ACBD6: variants seen among roughly 807,000 people sequenced by gnomAD.
ACBD6 encodes the protein acyl-CoA-binding domain-containing protein 6.
Under a neutral mutation model 37.2 loss-of-function variants are expected in ACBD6, and 28 were observed. That is an observed-to-expected ratio of 0.75 (90% confidence interval 0.56 to 1.03). ACBD6 has a LOEUF of 1.03. ACBD6 is among the 50% of genes least tolerant of loss of function. ACBD6 has a pLI of 0.00. For synonymous variants in ACBD6, 113 were observed against 126.8 expected (o/e 0.89, Z 0.73); for missense variants, 340 against 337.4 (o/e 1.01, Z -0.06).
chr1:180,360,061 A>G (rs878942054), intron 6 of ACBD6, among the ~76,000 whole-genome samples: 1 of 152,194 alleles, frequency 6.6e-6, no homozygotes, highest in South Asian at 2.1e-4. Context: ...AGAAGTTTTG[A>G]TAAAAAGAAC....
At chr1:180,404,979 T>C (rs1478558162) in intron 5 of ACBD6, among the ~76,000 whole-genome samples, 1 of 152,220 alleles carries the variant, frequency 6.6e-6, no homozygotes, top group East Asian at 1.9e-4. Flanking sequence ...CCTACATGAA[T>C]GCAAATAAGC....
chr1:180,329,089 T>C (rs756709985), intron 6 of ACBD6, among the ~76,000 whole-genome samples: 59 of 152,190 alleles, frequency 3.9e-4, no homozygotes, highest in Non-Finnish European at 5.7e-4. Context: ...CATTACTCTA[T>C]ATGGAGAACA....
chr1:180,380,546 G>C (rs1653601352), intron 6 of ACBD6, among the ~76,000 whole-genome samples: 1 of 151,972 alleles, frequency 6.6e-6, no homozygotes, highest in South Asian at 2.1e-4. Context: ...CATCGCCCTA[G>C]ACTGGTCCTA....
chr1:180,385,243 A>G (rs1170749757), intron 6 of ACBD6, among the ~76,000 whole-genome samples: 2 of 151,824 alleles, frequency 1.3e-5, no homozygotes, highest in South Asian at 2.1e-4. Flanking sequence ...TATAAACACA[A>G]AAGAAGTCAG....
intron 9 of ACBD6, chr1:180,275,861 C>T (rs1365018095): frequency 1.3e-5 from 2 of 152,226 alleles, no homozygotes. Flanking sequence ...GCAGGGACTC[C>T]CCGTTGTGCA....
At chr1:180,309,921 G>A (rs953132906) in intron 7 of ACBD6, among the ~76,000 whole-genome samples, 7 of 152,128 alleles carry the variant, frequency 4.6e-5, no homozygotes, top group African/African-American at 1.4e-4. Context: ...GGAATCATAT[G>A]ACAGAAATAC....
chr1:180,283,887 G>A (rs901232904), downstream of ACBD6, among the ~76,000 whole-genome samples: 1 of 152,122 alleles, frequency 6.6e-6, no homozygotes. Context: ...GGGATGTTCA[G>A]CTGGTACGTA....
chr1:180,461,662 C>T (rs1442418047), intron 3 of ACBD6, among the ~76,000 whole-genome samples: 1 of 152,144 alleles, frequency 6.6e-6, no homozygotes, highest in African/African-American at 2.4e-5. Context: ...TCCAACCAAA[C>T]TAAGCTTCAT....
rs547931102 is a variant in ACBD6, at chr1:180,467,571, A to G, written c.384+24698T>C. Among the ~76,000 whole-genome samples, 34 of 152,142 alleles carry G rather than the reference A, an allele frequency of 2.2e-4. 1 individual carries two copies. Among genetic ancestry groups the G allele is most frequent in the Non-Finnish European group, 4.4e-4 (30 of 68,014 alleles). ...GAGGCTGAGGCAGGAGAACCACTTA[A>G]GCCCAGAAGTTTGAGGCCGCAGGGA... On this transcript the variant is annotated intron_variant, in intron 3 of 7. Transcript: ENST00000367595.
At chr1:180,437,065 G>A (rs1258159945) in intron 3 of ACBD6, among the ~76,000 whole-genome samples, 2 of 152,214 alleles carry the variant, frequency 1.3e-5, no homozygotes, top group African/African-American at 4.8e-5. Flanking sequence ...CTGAGGCTGT[G>A]TCATGGGTCA....
chr1:180,276,158 C>G (rs1649014012), intron 9 of ACBD6: 1 of 152,232 alleles, frequency 6.6e-6, no homozygotes, highest in South Asian at 2.1e-4. Flanking sequence ...GGTGAGAAGG[C>G]ATTGCCTATC....
chr1:180,274,564 T>A lies in ACBD6; in HGVS notation c.*936+87A>T, dbSNP rs764386568. 9.5e-6 allele frequency: 15 copies of A among 1,580,094 alleles called. No homozygotes were observed. The highest frequency in any genetic ancestry group is 3.4e-5 in the Admixed American group (2 of 58,872). On this transcript the variant is annotated intron_variant, in intron 10 of 13. Coordinates refer to the ACBD6 transcript ENST00000642319. ...CAGGCTCTTGGCTCGATGAAATGGATCATCCTCCTTTTTAAACTTCTCTCC... is the reference window on the plus strand; with the variant it reads ...CAGGCTCTTGGCTCGATGAAATGGAACATCCTCCTTTTTAAACTTCTCTCC...
intron 6 of ACBD6, among the ~76,000 whole-genome samples, chr1:180,363,345 G>C (rs1652918804): frequency 6.6e-6 from 1 of 152,172 alleles, no homozygotes; most frequent in South Asian, 2.1e-4. Flanking sequence ...GTGAACTAAT[G>C]TGAATAATAA....
chr1:180,434,834 A>T, intron 3 of ACBD6: 1 of 736,870 alleles, frequency 1.4e-6, no homozygotes, highest in Non-Finnish European at 2.5e-6. Flanking sequence ...AATCTTGGCA[A>T]ATCTGCCAGG....
chr1:180,472,170 C>T (rs1335102488), intron 3 of ACBD6, among the ~76,000 whole-genome samples: 4 of 152,342 alleles, frequency 2.6e-5, no homozygotes, highest in Admixed American at 2.6e-4. Context: ...ACTATAGTGT[C>T]AAACCCCTCC....
chr1:180,327,408 G>A (rs1290611264), intron 6 of ACBD6, among the ~76,000 whole-genome samples: 1 of 152,190 alleles, frequency 6.6e-6, no homozygotes, highest in Non-Finnish European at 1.5e-5. Context: ...AAGGGGTGGT[G>A]TCAGCGATTT....
intron 4 of ACBD6, among the ~76,000 whole-genome samples, chr1:180,429,068 T>C (rs1363563507): frequency 6.6e-6 from 1 of 152,188 alleles, no homozygotes; most frequent in African/African-American, 2.4e-5. Flanking sequence ...CTTCCTCAGA[T>C]AGTGAGAATG....
chr1:180,485,000 G>A (rs1421758805), intron 3 of ACBD6, among the ~76,000 whole-genome samples: 3 of 107,938 alleles, frequency 2.8e-5, no homozygotes, highest in African/African-American at 9.3e-5. Flanking sequence ...AACCCGGAAG[G>A]CGGGGGTTGC....
At position 180,288,410 on chromosome 1, in the gene ACBD6, T is replaced by G; in HGVS notation, c.802A>C (p.Lys268Gln). 1 of 1,613,842 alleles carries G rather than the reference T, an allele frequency of 6.2e-7. No individual in the cohort carries two copies. Among genetic ancestry groups the G allele is most frequent in the Non-Finnish European group, 8.5e-7 (1 of 1,180,014 alleles). The change falls in exon 8 of 8, where the codon AAA becomes CAA. Residue 268 changes from lysine (K) to glutamine (Q), a missense_variant. Physicochemically the swap from Lys to Gln is moderately conservative, Grantham distance 53. Coordinates refer to ENST00000367595, the MANE Select transcript of ACBD6 (RefSeq NM_032360.4). Reference sequence around the variant, plus strand: ...CGCTGCAGCACCAAAGAAACTGTTTTGCAGCCTGTCACCTCCTCTGGCAGG... The same window carrying G: ...CGCTGCAGCACCAAAGAAACTGTTTGGCAGCCTGTCACCTCCTCTGGCAGG... ...GCLPEEVTGCKTVSLVLQRHT... is the reference protein window; with the variant it reads ...GCLPEEVTGCQTVSLVLQRHT...
Sources: gnomAD v4.1 joint callset for allele counts (sites outside exome capture counted in the v4.1 genomes callset) on GRCh38, gnomAD v4.1.1 for gene constraint, MANE v1.5 for transcripts, NCBI Gene and HGNC (gene_info 2026-07-23, HGNC 2026-07-21) for gene names.